Variants in SLC4A11 observed in about 807,000 individuals in gnomAD.
The protein encoded by SLC4A11 is bicarbonate transporter related protein 1.
A neutral mutation model predicts 95.0 loss-of-function variants in SLC4A11; 74 were observed. The ratio of observed to expected loss-of-function variants is 0.78; its 90% CI spans 0.65 to 0.95. SLC4A11 has a LOEUF of 0.95. SLC4A11 is among the 40% of genes least tolerant of loss of function. SLC4A11 has a pLI of 0.00. For missense variants in SLC4A11, 1,081 were observed against 1,192.4 expected, an observed-to-expected ratio of 0.91 and a Z score of 1.38; for synonymous variants, 548 against 519.0, an observed-to-expected ratio of 1.06 and a Z score of -0.76.
rs1465111896 is a variant in SLC4A11 at position 3,228,630 on chromosome 20, G to A, written c.2270C>T (p.Pro757Leu). The A allele has an allele frequency of 5.0e-6, 8 of 1,613,148 alleles. No individual in the cohort carries two copies. The highest frequency in any genetic ancestry group is 1.6e-4 in the Middle Eastern group (1 of 6,062). The change falls in exon 18 of 20, where the codon CCG (proline) becomes CTG (leucine). Residue 757 changes from proline to leucine, a missense_variant. By Grantham distance (98) the Pro-to-Leu change is moderately conservative. Transcript: ENST00000642402. ...CTTGGGGATCCACTGAAGCGGGACC[G>A]GCAGCAGCAACAGGGACAGGCCCAC... ...VLVGLSLLLL[P>L]VPLQWIPKPV...
At position 3,235,029 on chromosome 20, in the gene SLC4A11, C is replaced by T. The variant is rs532410187; in HGVS notation, c.89-135G>A. 4.6e-5 allele frequency: 49 copies of T among 1,057,434 alleles called. No homozygotes were observed. In the East Asian group the frequency reaches 5.0e-4, roughly 11 times the overall value. 65.5% of individuals were successfully genotyped at this position (1,057,434 alleles called of 1,614,324 possible). A position where few individuals can be genotyped will look rare whatever the true frequency, so the allele number is the denominator to read the frequency against. ...GTGGTGGGAGAGGCCATCCCATAGG[C>T]GAGGAAGGCAGCTTCTAGTCCTGCC... is the stretch of plus-strand genomic sequence containing the variant. On this transcript the variant is annotated intron_variant, in intron 2 of 19. Transcript: ENST00000642402.
chr20:3,235,520 C>G (rs1278881586), intron 2 of SLC4A11, among the ~76,000 whole-genome samples: 1 of 152,104 alleles, frequency 6.6e-6, no homozygotes, highest in Non-Finnish European at 1.5e-5. Context: ...CCCAAGGCCT[C>G]ATGTCAGCCC....
intron 14 of SLC4A11, 23 bp downstream of exon 14, chr20:3,229,501 C>T (rs1430515799): frequency 8.1e-6 from 13 of 1,612,722 alleles, no homozygotes; most frequent in Non-Finnish European, 1.0e-5. Context: ...TGCGGCCCCT[C>T]CCCTCCCCAT....
At chr20:3,237,675 C>T in intron 1 of SLC4A11, 87 bp from the exon 2 acceptor site, 1 of 1,614,102 alleles carries the variant, frequency 6.2e-7, no homozygotes, top group Non-Finnish European at 8.5e-7. Flanking sequence ...CCCGACCTGG[C>T]TCATTCCTTC....
At chr20:3,237,097 A>T (rs1600615989) in intron 2 of SLC4A11, among the ~76,000 whole-genome samples, 3 of 152,164 alleles carry the variant, frequency 2.0e-5, no homozygotes. Flanking sequence ...CAGAGACATG[A>T]GGAGGAAGAC....
chr20:3,228,978 G>A lies in SLC4A11; in HGVS notation c.2052C>T (p.Leu684=). 6.2e-7 allele frequency: 1 copy of A among 1,613,792 alleles called. No individual in the cohort carries two copies. The highest frequency in any genetic ancestry group is 8.5e-7 in the Non-Finnish European group (1 of 1,180,022). ...LVKGTAYHWD[L]LLLAIINTGL... is the part of the protein sequence containing the mutation. ...CTGTGTTGATGATGGCGAGGAGCAG[G>A]AGGTCCCAGTGGTAGGCAGTGCCCT... Residue 684 remains leucine (L), a synonymous_variant, in exon 17 of 20, where the codon CTC becomes CTT. Coordinates refer to ENST00000642402, the MANE Select transcript of SLC4A11 (RefSeq NM_001174089.2).
intron 13 of SLC4A11, 138 bp downstream of exon 13, chr20:3,230,049 C>T (rs2067700492): frequency 8.4e-7 from 1 of 1,192,746 alleles, no homozygotes; most frequent in African/African-American, 1.5e-5. Flanking sequence ...CAGCCCAAGG[C>T]TCCCAGAGCA....
At chr20:3,232,184 A>C (rs563231392) in intron 7 of SLC4A11, among the ~76,000 whole-genome samples, 2 of 152,248 alleles carry the variant, frequency 1.3e-5, no homozygotes, top group Admixed American at 1.3e-4. Context: ...ACGTTTCCCC[A>C]GTGGTATTTG....
In SLC4A11 at chr20:3,229,238, G is replaced by A. The variant is rs750659228; in HGVS notation, c.1875C>T (p.Ser625=). The A allele has an allele frequency of 7.4e-6, 12 of 1,612,838 alleles. No individual in the cohort carries two copies. Among genetic ancestry groups the A allele is most frequent in the African/African-American group, 2.7e-5 (2 of 74,930 alleles). ...TCTGCGCCATCGCAAAGGGGCTCTC[G>A]CTGGGGTTGTAGCGGAACTTGCTCA... The part of the protein sequence containing the change: ...IEMSKFRYNP[S]ESPFAMAQIQ... Residue 625 remains serine, a synonymous_variant, in exon 16 of 20, where the codon AGC becomes AGT. Coordinates refer to ENST00000642402, the MANE Select transcript of SLC4A11 (RefSeq NM_001174089.2).
intron 1 of SLC4A11, 94 bp from the exon 2 acceptor site, chr20:3,237,682 C>A (rs771389613): frequency 3.7e-6 from 6 of 1,614,124 alleles, no homozygotes; most frequent in East Asian, 4.5e-5. Context: ...TGGCTCATTC[C>A]TTCGCTCTTC....
Position 3,228,947 on chromosome 20 carries a change from A to T in SLC4A11, c.2083T>A (p.Ser695Thr). 6.2e-7 allele frequency: 1 copy of T among 1,613,918 alleles called. No homozygotes were observed. Among genetic ancestry groups the T allele is most frequent in the Admixed American group, 1.7e-5 (1 of 60,018 alleles). Residue 695 changes from serine (S) to threonine (T), a missense_variant, in exon 17 of 20, where the codon TCT (serine) becomes ACT (threonine). By Grantham distance (58) the Ser-to-Thr change is moderately conservative. Around this residue, in one of 3 missense-constraint regions of SLC4A11, gnomAD observed 767 missense variants for 858.0 expected, o/e 0.89. Coordinates refer to ENST00000642402, the MANE Select transcript of SLC4A11 (RefSeq NM_001174089.2). ...TGGATCCAAGGCAGCCCAAACAGAG[A>T]CAGCCCTGTGTTGATGATGGCGAGG... ...LLLAIINTGLSLFGLPWIHAA... is the reference protein window; with the variant it reads ...LLLAIINTGLTLFGLPWIHAA...
At chr20:3,238,199 G>A in intron 1 of SLC4A11, 3 of 1,422,098 alleles carry the variant, frequency 2.1e-6, no homozygotes, top group Non-Finnish European at 2.7e-6. Flanking sequence ...GAGAACAATT[G>A]GGGGTGGGAG....
chr20:3,227,828 C>G lies in SLC4A11; in HGVS notation c.2587G>C (p.Ala863Pro), dbSNP rs1022746367. Residue 863 changes from alanine to proline, a missense_variant, in exon 20 of 20, where the codon GCC becomes CCC. Ala to Pro is a conservative substitution (Grantham distance 27). Around this residue, in one of 3 missense-constraint regions of SLC4A11, gnomAD observed 767 missense variants for 858.0 expected, o/e 0.89. Transcript: ENST00000642402. The stretch of plus-strand genomic sequence containing the variant: ...GCGTCCATGACATCCAAGTACTTGG[C>G]TTCAATGATTCGGGGCAGCAGGATA... ...RYILLPRIIE[A>P]KYLDVMDAEH... is the part of the protein sequence containing the mutation. 6.2e-6 allele frequency: 10 copies of G among 1,613,078 alleles called. No individual in the cohort carries two copies. The highest frequency in any genetic ancestry group is 1.1e-5 in the South Asian group (1 of 91,076).
chr20:3,234,791 A>G lies in SLC4A11; in HGVS notation c.192T>C (p.Ser64=), dbSNP rs1023380552. 3 of 1,612,788 alleles carry G rather than the reference A, an allele frequency of 1.9e-6. No homozygotes were observed. Among genetic ancestry groups the G allele is most frequent in the Non-Finnish European group, 2.5e-6 (3 of 1,179,748 alleles). Residue 64 remains serine (S), a synonymous_variant, in exon 3 of 20, where the codon AGT becomes AGC. Coordinates refer to ENST00000642402, the MANE Select transcript of SLC4A11 (RefSeq NM_001174089.2). This position sits in a 1 kb window ranked among gnomAD's most constrained non-coding sequence, Gnocchi z 5.8. The part of the protein sequence containing the change: ...TANSSIVSGE[S]IRFFVNVNLE... ...GGTTGACATTGACAAAAAAACGGAT[A>G]CTCTCGCCAGACACGATGGAGGAGT...
chr20:3,237,182 AAGAGAC>A (rs2068008032), intron 2 of SLC4A11, among the ~76,000 whole-genome samples: 1 of 152,090 alleles, frequency 6.6e-6, no homozygotes, highest in African/African-American at 2.4e-5. Context: ...TATTTCTTTA[AAGAGAC>A]AACGACAGAT....
In SLC4A11 at chr20:3,231,865, C is replaced by T. The variant is rs779566188; in HGVS notation, c.730-317G>A. On this transcript the variant is annotated intron_variant, in intron 7 of 19. Transcript: ENST00000642402. This position sits in a 1 kb window ranked among gnomAD's most constrained non-coding sequence, Gnocchi z 5.2. The stretch of plus-strand genomic sequence containing the variant: ...TAGAGACGAGGTCTCACTATGTTGA[C>T]CAGGCTGGTCTCAAACTCCTGGCCT... Among the ~76,000 whole-genome samples, 4 of 152,126 alleles carry T rather than the reference C, an allele frequency of 2.6e-5. No homozygotes were observed. The highest frequency in any genetic ancestry group is 5.9e-5 in the Non-Finnish European group (4 of 68,024).
In SLC4A11 at chr20:3,231,622, T is replaced by C. The variant is rs1309748941; in HGVS notation, c.730-74A>G. On this transcript the variant is annotated intron_variant, in intron 7 of 19. Coordinates refer to ENST00000642402, the MANE Select transcript of SLC4A11 (RefSeq NM_001174089.2). This position sits in a 1 kb window ranked among gnomAD's most constrained non-coding sequence, Gnocchi z 5.2. ...CCGGGCCGAGCAGGTGAAGGTGCTC[T>C]CCCCATGAACTGGCAGCAGGTTTTT... is the stretch of plus-strand genomic sequence containing the variant. 9.2e-6 allele frequency: 13 copies of C among 1,406,896 alleles called. No homozygotes were observed. The highest frequency in any genetic ancestry group is 1.2e-5 in the Non-Finnish European group (12 of 996,112). The allele number at this position is 1,406,896 out of a possible 1,614,324, so 87.2% of individuals were successfully genotyped here.
chr20:3,228,144 C>CCCCCCCCCCCCAA, intron 19 of SLC4A11, 115 bp downstream of exon 19: 2 of 718,214 alleles, frequency 2.8e-6, no homozygotes, highest in Non-Finnish European at 4.8e-6. Flanking sequence ...GCACCCACCC[C>CCCCCCCCCCCCAA]AACCCGCCCA....
Position 3,238,915 on chromosome 20 carries a change from G to A in SLC4A11, c.43+180C>T, listed in dbSNP as rs113139885. 264,272 of 1,257,036 alleles carry A rather than the reference G, an allele frequency of 0.21. 28,177 individuals are homozygous for A. Among genetic ancestry groups the A allele is most frequent in the Non-Finnish European group, 0.22 (219,305 of 1,001,982 alleles). 77.9% of individuals were successfully genotyped at this position (1,257,036 alleles called of 1,614,324 possible). On this transcript the variant is annotated intron_variant, in intron 1 of 19. Coordinates refer to ENST00000642402, the MANE Select transcript of SLC4A11 (RefSeq NM_001174089.2). ...AAGCGCGCGGTGGCCGCGAAGCCGC[G>A]CCCGGGCCTCCCGCACCCGCGCCCT... is the stretch of plus-strand genomic sequence containing the variant.
Sources: gnomAD v4.1 joint callset for allele counts (sites outside exome capture counted in the v4.1 genomes callset) on GRCh38, gnomAD v4.1.1 for gene constraint, gnomAD v4.1.1 regional missense constraint, Gnocchi (gnomAD v3.1) non-coding constraint, MANE v1.5 for transcripts, NCBI Gene and HGNC (gene_info 2026-07-23, HGNC 2026-07-21) for gene names.